The following WASL variants were observed in gnomAD, a reference collection of about 807,000 sequenced individuals.
WASL encodes actin nucleation-promoting factor WASL.
WASL carries 20 observed loss-of-function variants against 55.5 expected under a neutral mutation model. The ratio of observed to expected loss-of-function variants is 0.36; its 90% CI spans 0.25 to 0.52. WASL has a LOEUF of 0.52. WASL is among the 20% of genes least tolerant of loss of function. WASL has a pLI of 0.92. For missense variants in WASL, 504 were observed against 622.5 expected, an observed-to-expected ratio of 0.81 and a Z score of 2.03; for synonymous variants, 249 against 217.6, an observed-to-expected ratio of 1.14 and a Z score of -1.27.
At chr7:123,696,823 A>T in intron 5 of WASL, 76 bp from the exon 6 acceptor site, 1 of 1,048,324 alleles carries the variant, frequency 9.5e-7, no homozygotes, top group Non-Finnish European at 1.3e-6. Context: ...TACAATTTAA[A>T]TACTTTTTCT....
intron 1 of WASL, among the ~76,000 whole-genome samples, chr7:123,713,776 C>T (rs894506984): frequency 6.6e-6 from 1 of 152,190 alleles, no homozygotes. Context: ...TGGGTTTGAA[C>T]TGTGTGGGTC....
intron 1 of WASL, among the ~76,000 whole-genome samples, chr7:123,743,336 CAAA>C (rs35592197): frequency 6.6e-5 from 7 of 106,198 alleles, no homozygotes; most frequent in Admixed American, 9.9e-5. Flanking sequence ...GACTCTGTCT[CAAA>C]AAAAAAAAAA....
chr7:123,691,472 G>A (rs927092947), intron 9 of WASL, among the ~76,000 whole-genome samples: 1 of 152,076 alleles, frequency 6.6e-6, no homozygotes, highest in African/African-American at 2.4e-5. Context: ...TTTTTGATAT[G>A]TGAAAGTTAT....
At chr7:123,724,895 A>G (rs1208997221) in intron 1 of WASL, among the ~76,000 whole-genome samples, 1 of 152,158 alleles carries the variant, frequency 6.6e-6, no homozygotes, top group African/African-American at 2.4e-5. Context: ...ATTTGCTTCT[A>G]CAACAGCTTC....
At chr7:123,709,018 TCTAAA>T in intron 2 of WASL, 66 bp downstream of exon 2, 5 of 1,402,286 alleles carry the variant, frequency 3.6e-6, no homozygotes, top group East Asian at 2.5e-5. Context: ...GATAAACAAA[TCTAAA>T]CTAAATTATA....
In WASL at chr7:123,726,886, A is replaced by ATAC. The variant is rs1804053237; in HGVS notation, c.118-17664_118-17663insGTA. On this transcript the variant is annotated intron_variant, in intron 1 of 10. Transcript: ENST00000223023. ...ATCTCAAATAATAATAATAATAATA[A>ATAC]TTAGGCAAGCTACAGACTGGGAGAA... Among the ~76,000 whole-genome samples the ATAC allele has an allele frequency of 6.6e-5, 10 of 152,134 alleles. No individual in the cohort carries two copies. The South Asian group carries it at 2.1e-3, about 32-fold the overall frequency.
intron 1 of WASL, among the ~76,000 whole-genome samples, chr7:123,730,472 C>A (rs1804119148): frequency 6.6e-6 from 1 of 151,992 alleles, no homozygotes; most frequent in Non-Finnish European, 1.5e-5. Context: ...TCACAAAGCA[C>A]TAGAGTATAA....
chr7:123,706,164 T>G (rs1803666258), intron 4 of WASL, 113 bp downstream of exon 4: 1 of 979,268 alleles, frequency 1.0e-6, no homozygotes. Context: ...TGTAAACCAA[T>G]GAATACAGTT....
At chr7:123,730,332 T>C (rs1460635066) in intron 1 of WASL, among the ~76,000 whole-genome samples, 11 of 151,982 alleles carry the variant, frequency 7.2e-5, no homozygotes, top group African/African-American at 2.4e-4. Context: ...TCATAGAAAA[T>C]AGTTTGATTA....
chr7:123,728,808 C>T (rs766539116), intron 1 of WASL, among the ~76,000 whole-genome samples: 1 of 152,138 alleles, frequency 6.6e-6, no homozygotes, highest in Non-Finnish European at 1.5e-5. Context: ...TGCACTCCAG[C>T]CTGGGCAACT....
chr7:123,691,790 C>G (rs1803413204), intron 9 of WASL, among the ~76,000 whole-genome samples: 1 of 152,168 alleles, frequency 6.6e-6, no homozygotes, highest in African/African-American at 2.4e-5. Context: ...TGGTCTGATT[C>G]TCTACTAATC....
At chr7:123,747,387 G>T (rs1044354970) in intron 1 of WASL, among the ~76,000 whole-genome samples, 3 of 152,062 alleles carry the variant, frequency 2.0e-5, no homozygotes, top group Admixed American at 6.5e-5. Context: ...TCTAAATTCC[G>T]AAATATGAAA....
intron 1 of WASL, among the ~76,000 whole-genome samples, chr7:123,714,295 T>C (rs1178788466): frequency 6.6e-6 from 1 of 152,084 alleles, no homozygotes; most frequent in East Asian, 1.9e-4. Flanking sequence ...AAATTCACTT[T>C]GGAGACAAGG....
At chr7:123,722,498 T>C (rs1304744969) in intron 1 of WASL, among the ~76,000 whole-genome samples, 1 of 152,198 alleles carries the variant, frequency 6.6e-6, no homozygotes, top group Non-Finnish European at 1.5e-5. Context: ...AAGATGTTAA[T>C]AACCTAAAAA....
chr7:123,744,773 T>A (rs1299712901), intron 1 of WASL, among the ~76,000 whole-genome samples: 1 of 152,152 alleles, frequency 6.6e-6, no homozygotes, highest in East Asian at 1.9e-4. Flanking sequence ...ACTCTTTATA[T>A]AAAATTAACT....
chr7:123,699,116 T>C (rs569961412), intron 5 of WASL, among the ~76,000 whole-genome samples: 1 of 152,320 alleles, frequency 6.6e-6, no homozygotes, highest in African/African-American at 2.4e-5. Context: ...CCAGGCACAG[T>C]GGCTCACGCC....
At chr7:123,713,299 C>A (rs1296439134) in intron 1 of WASL, among the ~76,000 whole-genome samples, 1 of 152,090 alleles carries the variant, frequency 6.6e-6, no homozygotes, top group African/African-American at 2.4e-5. Flanking sequence ...ACTACCAGCA[C>A]ACACCACTAT....
chr7:123,701,869 A>G (rs1803595953), intron 5 of WASL, among the ~76,000 whole-genome samples: 1 of 151,900 alleles, frequency 6.6e-6, no homozygotes, highest in South Asian at 2.1e-4. Context: ...TATTAATTCC[A>G]TATTATATGT....
rs772383665 is a variant in WASL at position 123,706,292 on chromosome 7, G to T, written c.421C>A (p.Arg141=). The T allele has an allele frequency of 6.2e-7, 1 of 1,613,302 alleles. No individual in the cohort carries two copies. Among genetic ancestry groups the T allele is most frequent in the Non-Finnish European group, 8.5e-7 (1 of 1,179,678 alleles). The part of the protein sequence containing the change: ...RKAVTDLLGR[R]QRKSEKRRDP... ...AAAGGGTTACCAGATTTCCTTTGTCGACGGCCCAAAAGGTCTGTAACTGCT... is the reference window on the plus strand; with the variant it reads ...AAAGGGTTACCAGATTTCCTTTGTCTACGGCCCAAAAGGTCTGTAACTGCT... Residue 141 remains arginine (R), a synonymous_variant, in exon 4 of 11, where the codon CGA becomes AGA. Coordinates refer to ENST00000223023, the MANE Select transcript of WASL (RefSeq NM_003941.4).
Sources: allele counts gnomAD v4.1 joint callset (sites outside exome capture counted in the v4.1 genomes callset), GRCh38; gene constraint gnomAD v4.1.1; transcripts MANE v1.5; gene names NCBI Gene and HGNC (gene_info 2026-07-23, HGNC 2026-07-21).